FICD: variants seen among roughly 807,000 people sequenced by gnomAD.
The protein encoded by FICD is protein adenylyltransferase FICD.
A neutral mutation model predicts 28.0 loss-of-function variants in FICD; 13 were observed. The observed-to-expected ratio is 0.46, with a 90% CI of 0.30 to 0.74. The LOEUF (loss-of-function observed/expected upper bound fraction) is 0.74. Ranked by LOEUF, FICD falls within the 30% of genes least tolerant of loss-of-function variation. The pLI is 0.07. For missense variants in FICD, 576 were observed against 624.5 expected (o/e 0.92, Z 0.83); for synonymous variants, 268 against 266.4 (o/e 1.01, Z -0.06).
rs1871995173 is a variant in FICD at position 108,518,610 on chromosome 12, C to T, written c.512C>T (p.Pro171Leu). 3.7e-6 allele frequency: 6 copies of T among 1,614,198 alleles called. No homozygotes were observed. Among genetic ancestry groups the T allele is most frequent in the Non-Finnish European group, 5.1e-6 (6 of 1,180,030 alleles). The change falls in exon 3 of 3, where the codon CCC (proline) becomes CTC (leucine). Residue 171 changes from proline to leucine, a missense_variant. By Grantham distance (98) the Pro-to-Leu change is moderately conservative (BLOSUM62 -3). Transcript: ENST00000552695. This position sits in a 1 kb window ranked among gnomAD's most constrained non-coding sequence, Gnocchi z 4.4. ...YLYTRALTIS[P>L]YHEKALVNRD... is the part of the protein sequence containing the mutation. ...TACACCAGAGCATTGACCATCTCAC[C>T]CTACCATGAGAAAGCACTGGTCAAC...
Position 108,518,530 on chromosome 12 carries a change from C to A in FICD, c.432C>A (p.Thr144=). 1 of 1,614,198 alleles carries A rather than the reference C, an allele frequency of 6.2e-7. No individual in the cohort carries two copies. Among genetic ancestry groups the A allele is most frequent in the Admixed American group, 1.7e-5 (1 of 60,026 alleles). The change falls in exon 3 of 3, where the codon ACC becomes ACA. Residue 144 remains threonine, a synonymous_variant. Transcript: ENST00000552695. The surrounding 1 kb of genome is among the most constrained non-coding windows in gnomAD (Gnocchi z 4.4). ...ACCCGGACTTCGTGGACGCGCTCAC[C>A]GAGTTTGGCATCTTCTCGGAAGAAG... ...KMDPDFVDAL[T]EFGIFSEEDK...
chr12:108,517,040 G>A lies in FICD; in HGVS notation c.68G>A (p.Arg23His), dbSNP rs749551801. 60 of 1,581,326 alleles carry A rather than the reference G, an allele frequency of 3.8e-5. No individual in the cohort carries two copies. Among genetic ancestry groups the A allele is most frequent in the Non-Finnish European group, 4.7e-5 (54 of 1,160,996 alleles). The change falls in exon 2 of 3, where the codon CGC becomes CAC. Residue 23 changes from arginine (R) to histidine (H), a missense_variant. Coordinates refer to ENST00000552695, the MANE Select transcript of FICD (RefSeq NM_007076.3). ...CCGAAATGGGTCTCGGTCTGGAGCC[G>A]CTTCCTCTGGGTGACGCTGCTGAGC... Reference protein sequence around the residue: ...TEPKWVSVWSRFLWVTLLSMV... With the variant: ...TEPKWVSVWSHFLWVTLLSMV...
Position 108,519,098 on chromosome 12 carries a change from T to C in FICD, c.1000T>C (p.Phe334Leu). 2 of 1,613,980 alleles carry C rather than the reference T, an allele frequency of 1.2e-6. No homozygotes were observed. Among genetic ancestry groups the C allele is most frequent in the Non-Finnish European group, 1.7e-6 (2 of 1,179,986 alleles). ...GGATGTGGAAAAGCAGATGCAGGAG[T>C]TTGTACAGTGGCTCAACTCCGAGGA... Reference protein sequence around the residue: ...PQDVEKQMQEFVQWLNSEEAM... With the variant: ...PQDVEKQMQELVQWLNSEEAM... Residue 334 changes from phenylalanine (F) to leucine (L), a missense_variant, in exon 3 of 3, where the codon TTT (phenylalanine) becomes CTT (leucine). Transcript: ENST00000552695. The surrounding 1 kb of genome is among the most constrained non-coding windows in gnomAD (Gnocchi z 4.5).
chr12:108,519,386 C>T lies in FICD; in HGVS notation c.1288C>T (p.Leu430Phe). Reference protein sequence around the residue: ...KCTETTLDTLLFATTEYSVAL... With the variant: ...KCTETTLDTLFFATTEYSVAL... ...TACTGAGACCACCCTGGACACCCTG[C>T]TTTTTGCCACAACTGAGTACTCGGT... The change falls in exon 3 of 3, where the codon CTT becomes TTT. Residue 430 changes from leucine (L) to phenylalanine (F), a missense_variant. Physicochemically the swap from Leu to Phe is conservative, Grantham distance 22. Transcript: ENST00000552695. The surrounding 1 kb of genome is among the most constrained non-coding windows in gnomAD (Gnocchi z 4.5). 6.2e-7 allele frequency: 1 copy of T among 1,614,118 alleles called. No individual in the cohort carries two copies. Among genetic ancestry groups the T allele is most frequent in the East Asian group, 2.2e-5 (1 of 44,870 alleles).
In FICD at chr12:108,518,461, G is replaced by A. The variant is rs1278441392; in HGVS notation, c.363G>A (p.Lys121=). The change falls in exon 3 of 3, where the codon AAG becomes AAA. Residue 121 remains lysine, a synonymous_variant. Transcript: ENST00000552695. The surrounding 1 kb of genome is among the most constrained non-coding windows in gnomAD (Gnocchi z 4.4). ...NQALEMKRQG[K]REKAQKLFMH... ...CCCTGGAGATGAAGCGCCAGGGCAA[G>A]CGGGAAAAAGCCCAAAAGCTCTTCA... 1 of 1,614,162 alleles carries A rather than the reference G, an allele frequency of 6.2e-7. No homozygotes were observed. The highest frequency in any genetic ancestry group is 8.5e-7 in the Non-Finnish European group (1 of 1,180,036).
rs77241670 is a variant in FICD at position 108,518,622 on chromosome 12, A to C, written c.524A>C (p.Lys175Thr). The C allele has an allele frequency of 6.4e-3, 10,258 of 1,614,206 alleles. 50 individuals carry two copies. Among genetic ancestry groups the C allele is most frequent in the Non-Finnish European group, 7.7e-3 (9,130 of 1,180,030 alleles). Reference sequence around the variant, plus strand: ...TTGACCATCTCACCCTACCATGAGAAAGCACTGGTCAACCGCGATCGGACA... The same window carrying C: ...TTGACCATCTCACCCTACCATGAGACAGCACTGGTCAACCGCGATCGGACA... ...RALTISPYHE[K>T]ALVNRDRTLP... is the part of the protein sequence containing the mutation. Residue 175 changes from lysine (K) to threonine (T), a missense_variant, in exon 3 of 3, where the codon AAA (lysine) becomes ACA (threonine). Lys to Thr is a moderately conservative substitution (Grantham distance 78). Transcript: ENST00000552695. This position sits in a 1 kb window ranked among gnomAD's most constrained non-coding sequence, Gnocchi z 4.4.
rs761408567 is a variant in FICD, at chr12:108,519,328, C to T, written c.1230C>T (p.Asp410=). 19 of 1,614,206 alleles carry T rather than the reference C, an allele frequency of 1.2e-5. No homozygotes were observed. Among genetic ancestry groups the T allele is most frequent in the South Asian group, 7.7e-5 (7 of 91,084 alleles). The change falls in exon 3 of 3, where the codon GAC becomes GAT. Residue 410 remains aspartate, a synonymous_variant. Transcript: ENST00000552695. This position sits in a 1 kb window ranked among gnomAD's most constrained non-coding sequence, Gnocchi z 4.5. The part of the protein sequence containing the change: ...YHVLEAANEG[D]VRPFIRFIAK... ...TGTTGGAAGCTGCCAACGAGGGCGA[C>T]GTGAGGCCTTTCATTCGCTTCATCG...
At position 108,519,464 on chromosome 12, in the gene FICD, G is replaced by A; in HGVS notation, c.1366G>A (p.Val456Met). The A allele has an allele frequency of 3.7e-6, 6 of 1,610,180 alleles. No individual in the cohort carries two copies. The highest frequency in any genetic ancestry group is 5.1e-6 in the Non-Finnish European group (6 of 1,177,076). ...CTCTGGGTTCAAGGAGACGCTTCCT[G>A]TGAAGCCCTAACCCTAGAAATCCTC... ...NHSGFKETLPVKP is the reference protein window; with the variant it reads ...NHSGFKETLPMKP The change falls in exon 3 of 3, where the codon GTG becomes ATG. Residue 456 changes from valine to methionine, a missense_variant. Coordinates refer to ENST00000552695, the MANE Select transcript of FICD (RefSeq NM_007076.3). This position sits in a 1 kb window ranked among gnomAD's most constrained non-coding sequence, Gnocchi z 4.5.
Position 108,518,190 on chromosome 12 carries a change from T to C in FICD, c.302-210T>C, listed in dbSNP as rs1277040214. ...GAGAGTGGCTCTGGGGACACACGGA[T>C]AGTGACTGCATACCACCACACGGCT... On this transcript the variant is annotated intron_variant, in intron 2 of 2. Transcript: ENST00000552695. The surrounding 1 kb of genome is among the most constrained non-coding windows in gnomAD (Gnocchi z 4.4). 1.4e-6 allele frequency: 1 copy of C among 703,082 alleles called. No individual in the cohort carries two copies. The highest frequency in any genetic ancestry group is 2.7e-5 in the East Asian group (1 of 37,270). 43.6% of individuals were successfully genotyped at this position (703,082 alleles called of 1,614,324 possible).
intron 2 of FICD, among the ~76,000 whole-genome samples, chr12:108,517,920 G>A (rs530063555): frequency 5.3e-5 from 8 of 152,266 alleles, no homozygotes; most frequent in African/African-American, 9.6e-5. Flanking sequence ...GAACAGTCCC[G>A]GGATGGTTGA....
At position 108,518,509 on chromosome 12, in the gene FICD, G is replaced by T; in HGVS notation, c.411G>T (p.Pro137=). 6.2e-7 allele frequency: 1 copy of T among 1,614,128 alleles called. No homozygotes were observed. The highest frequency in any genetic ancestry group is 8.5e-7 in the Non-Finnish European group (1 of 1,180,034). The change falls in exon 3 of 3, where the codon CCG becomes CCT. Residue 137 remains proline, a synonymous_variant. Coordinates refer to ENST00000552695, the MANE Select transcript of FICD (RefSeq NM_007076.3). The surrounding 1 kb of genome is among the most constrained non-coding windows in gnomAD (Gnocchi z 4.4). The part of the protein sequence containing the change: ...KLFMHALKMD[P]DFVDALTEFG... ...TCATGCACGCCCTCAAGATGGACCCGGACTTCGTGGACGCGCTCACCGAGT... is the reference window on the plus strand; with the variant it reads ...TCATGCACGCCCTCAAGATGGACCCTGACTTCGTGGACGCGCTCACCGAGT...
At chr12:108,516,818 G>A (rs549166647) in intron 1 of FICD, 97 bp from the exon 2 acceptor site, 19 of 536,328 alleles carry the variant, frequency 3.5e-5, no homozygotes, top group Admixed American at 1.6e-4. Flanking sequence ...TCTCTAGTGA[G>A]CTAAAAGAGC....
Position 108,518,334 on chromosome 12 carries a change from A to G in FICD, c.302-66A>G, listed in dbSNP as rs1220203325. 4 of 1,349,504 alleles carry G rather than the reference A, an allele frequency of 3.0e-6. No individual in the cohort carries two copies. Among genetic ancestry groups the G allele is most frequent in the Non-Finnish European group, 2.1e-6 (2 of 947,762 alleles). The allele number at this position is 1,349,504 out of a possible 1,614,324, so 83.6% of individuals were successfully genotyped here. On this transcript the variant is annotated intron_variant, in intron 2 of 2. Transcript: ENST00000552695. The surrounding 1 kb of genome is among the most constrained non-coding windows in gnomAD (Gnocchi z 4.4). ...TCCTGCGGAGACCAGCACAGGGGACAGCCCCCCGAATGTCCTCTGCCCCCT... is the reference window on the plus strand; with the variant it reads ...TCCTGCGGAGACCAGCACAGGGGACGGCCCCCCGAATGTCCTCTGCCCCCT...
rs1565853149 is a variant in FICD at position 108,519,037 on chromosome 12, G to A, written c.939G>A (p.Gln313=). 2 of 1,614,224 alleles carry A rather than the reference G, an allele frequency of 1.2e-6. No homozygotes were observed. The highest frequency in any genetic ancestry group is 2.2e-5 in the East Asian group (1 of 44,884). The change falls in exon 3 of 3, where the codon CAG becomes CAA. Residue 313 remains glutamine, a synonymous_variant. Transcript: ENST00000552695. The surrounding 1 kb of genome is among the most constrained non-coding windows in gnomAD (Gnocchi z 4.5). The stretch of plus-strand genomic sequence containing the variant: ...AAGCCGGCAGGTTTCGGACAACACA[G>A]GTCCTGGTCGGACACCACATCCCTC... ...PVEAGRFRTT[Q]VLVGHHIPPH...
rs1565853743 is a variant in FICD, at chr12:108,520,541, C to T, written c.*1066C>T. 1 of 152,248 alleles carries T rather than the reference C, an allele frequency of 6.6e-6. No homozygotes were observed. The allele number at this position is 152,248 out of a possible 1,614,324, so 9.4% of individuals were successfully genotyped here. A position where few individuals can be genotyped will look rare whatever the true frequency, so the allele number is the denominator to read the frequency against. On this transcript the variant is annotated 3_prime_UTR_variant, in exon 3 of 3. Transcript: ENST00000552695. ...CCATCTTCCACGGTCTTTGCACTGT[C>T]CCGTGTCCCATCCCCCTGGGAGGCA...
intron 1 of FICD, among the ~76,000 whole-genome samples, chr12:108,516,376 T>C (rs1871910499): frequency 6.6e-6 from 1 of 152,244 alleles, no homozygotes; most frequent in African/African-American, 2.4e-5. Flanking sequence ...GTGGCTGATC[T>C]GCCTGGGTGT....
chr12:108,517,563 C>T (rs1871948398), intron 2 of FICD: 1 of 416,374 alleles, frequency 2.4e-6, no homozygotes, highest in Admixed American at 4.0e-5. Flanking sequence ...AAAAGGACTC[C>T]AGGCAGAGAC....
rs1291352765 is a variant in FICD, at chr12:108,518,408, T to A, written c.310T>A (p.Leu104Met). The change falls in exon 3 of 3, where the codon TTG becomes ATG. Residue 104 changes from leucine (L) to methionine (M), a missense_variant. Transcript: ENST00000552695. The surrounding 1 kb of genome is among the most constrained non-coding windows in gnomAD (Gnocchi z 4.4). ...AKTKASPAGK[L>M]EARAALNQAL... is the part of the protein sequence containing the mutation. ...CTTTGGCTCTCTTCCAGCGGGTAAGTTGGAAGCCAGAGCTGCCCTGAACCA... is the reference window on the plus strand; with the variant it reads ...CTTTGGCTCTCTTCCAGCGGGTAAGATGGAAGCCAGAGCTGCCCTGAACCA... The A allele has an allele frequency of 6.2e-7, 1 of 1,613,588 alleles. No homozygotes were observed. The highest frequency in any genetic ancestry group is 8.5e-7 in the Non-Finnish European group (1 of 1,179,688).
At position 108,518,781 on chromosome 12, in the gene FICD, A is replaced by T; in HGVS notation, c.683A>T (p.Tyr228Phe). 6.2e-7 allele frequency: 1 copy of T among 1,614,144 alleles called. No individual in the cohort carries two copies. Among genetic ancestry groups the T allele is most frequent in the Non-Finnish European group, 8.5e-7 (1 of 1,180,016 alleles). Residue 228 changes from tyrosine to phenylalanine, a missense_variant, in exon 3 of 3, where the codon TAC (tyrosine) becomes TTC (phenylalanine). Coordinates refer to ENST00000552695, the MANE Select transcript of FICD (RefSeq NM_007076.3). This position sits in a 1 kb window ranked among gnomAD's most constrained non-coding sequence, Gnocchi z 4.4. ...GAGGAGACCTACTACCATCACATCTACCACACAGTGGCCATCGAGGGCAAC... is the reference window on the plus strand; with the variant it reads ...GAGGAGACCTACTACCATCACATCTTCCACACAGTGGCCATCGAGGGCAAC... ...VMEETYYHHI[Y>F]HTVAIEGNTL...
Sources: allele counts gnomAD v4.1 joint callset (sites outside exome capture counted in the v4.1 genomes callset), GRCh38; gene constraint gnomAD v4.1.1; non-coding constraint Gnocchi (gnomAD v3.1); transcripts MANE v1.5; gene names NCBI Gene and HGNC (gene_info 2026-07-23, HGNC 2026-07-21).